Variants in CDYL observed in about 807,000 individuals in gnomAD.
The protein encoded by CDYL is chromodomain Y like.
In CDYL, 8 loss-of-function variants were observed where a neutral mutation model predicts 47.3. The ratio of observed to expected loss-of-function variants is 0.17; its 90% CI spans 0.10 to 0.31. The LOEUF (loss-of-function observed/expected upper bound fraction) is 0.31. Among genes scored for constraint, CDYL ranks in the 10% least tolerant of loss-of-function variants. The pLI is 1.00. For synonymous variants in CDYL, 266 were observed against 265.0 expected, an observed-to-expected ratio of 1.00 and a Z score of -0.04; for missense variants, 471 against 701.4, an observed-to-expected ratio of 0.67 and a Z score of 3.71.
intron 1 of CDYL, among the ~76,000 whole-genome samples, chr6:4,888,103 T>G (rs1304583999): frequency 6.6e-6 from 1 of 152,158 alleles, no homozygotes; most frequent in African/African-American, 2.4e-5. Context: ...AATGTTTTGT[T>G]GAGGATTTTT....
intron 1 of CDYL, among the ~76,000 whole-genome samples, chr6:4,823,535 A>C (rs368138103): frequency 6.6e-6 from 1 of 152,212 alleles, no homozygotes; most frequent in Admixed American, 6.5e-5. Flanking sequence ...CCCTGACGTT[A>C]ATCACAATGT....
At chr6:4,826,925 A>G (rs535772890) in intron 1 of CDYL, among the ~76,000 whole-genome samples, 1 of 152,266 alleles carries the variant, frequency 6.6e-6, no homozygotes, top group East Asian at 1.9e-4. Context: ...TCCAACTGTT[A>G]TTGTAAAGCT....
At chr6:4,940,973 C>A (rs1269903159) in intron 4 of CDYL, among the ~76,000 whole-genome samples, 1 of 152,232 alleles carries the variant, frequency 6.6e-6, no homozygotes, top group African/African-American at 2.4e-5. Context: ...CCAAACGTTC[C>A]TTTGACAGTC....
At chr6:4,897,550 G>A (rs1292125879) in intron 2 of CDYL, among the ~76,000 whole-genome samples, 1 of 152,154 alleles carries the variant, frequency 6.6e-6, no homozygotes, top group African/African-American at 2.4e-5. Flanking sequence ...CTAGGAAGAA[G>A]CCCCAGGGCT....
chr6:4,786,009 G>C (rs182838757), intron 1 of CDYL, among the ~76,000 whole-genome samples: 1 of 152,332 alleles, frequency 6.6e-6, no homozygotes, highest in Admixed American at 6.5e-5. Flanking sequence ...CTATCAAGAA[G>C]AGTTTTTAAA....
rs756344276 is a variant in CDYL at position 4,892,235 on chromosome 6, G to A, written c.547G>A (p.Ala183Thr). The change falls in exon 2 of 7, where the codon GCG becomes ACG. Residue 183 changes from alanine to threonine, a missense_variant. Physicochemically the swap from Ala to Thr is moderately conservative, Grantham distance 58 (BLOSUM62 0). This residue lies in a region of CDYL where 311 missense variants were observed against 350.0 expected (regional missense o/e 0.89). Coordinates refer to ENST00000397588, the MANE Select transcript of CDYL (RefSeq NM_004824.4). The stretch of plus-strand genomic sequence containing the variant: ...GGACACAGTGGCACCCGAAGTGGCA[G>A]CGGAAAAGCCGGTCGGAGCTTTATT... ...QEDTVAPEVA[A>T]EKPVGALLGP... The A allele has an allele frequency of 1.5e-5, 25 of 1,614,132 alleles. No individual in the cohort carries two copies. The highest frequency in any genetic ancestry group is 1.9e-5 in the Non-Finnish European group (22 of 1,180,056).
chr6:4,807,357 A>C (rs562153071), intron 1 of CDYL, among the ~76,000 whole-genome samples: 1 of 152,172 alleles, frequency 6.6e-6, no homozygotes, highest in Admixed American at 6.5e-5. Context: ...TAAAGTAACT[A>C]CTTTTCACTT....
intron 5 of CDYL, among the ~76,000 whole-genome samples, chr6:4,951,552 C>T (rs1266383615): frequency 6.6e-6 from 1 of 151,834 alleles, no homozygotes; most frequent in Non-Finnish European, 1.5e-5. Context: ...CTAATGTTAG[C>T]TTTCTCCACT....
At chr6:4,877,712 T>C (rs1215604453) in intron 1 of CDYL, among the ~76,000 whole-genome samples, 3 of 152,250 alleles carry the variant, frequency 2.0e-5, no homozygotes, top group Non-Finnish European at 4.4e-5. Context: ...GGTACTGCTT[T>C]TCCTTGAAAT....
At chr6:4,893,884 G>A (rs1171066888) in intron 2 of CDYL, among the ~76,000 whole-genome samples, 2 of 152,168 alleles carry the variant, frequency 1.3e-5, no homozygotes, top group Admixed American at 6.5e-5. Context: ...TTTTCTCCTC[G>A]GCCCAGGCCC....
In CDYL at chr6:4,789,700, C is replaced by T. The variant is rs1191756840; in HGVS notation, c.24+12893C>T. 4.6e-5 allele frequency among the ~76,000 whole-genome samples: 7 copies of T among 152,280 alleles called. No homozygotes were observed. The East Asian group carries it at 9.7e-4, about 21-fold the overall frequency. ...TGGGTTCAGCGTTGTTCCCAAATGA[C>T]TTTGCTCTGTTTCCCTAGCTCTCCT... On this transcript the variant is annotated intron_variant, in intron 1 of 6. Transcript: ENST00000397588.
intron 1 of CDYL, among the ~76,000 whole-genome samples, chr6:4,856,537 G>T (rs911169157): frequency 1.3e-5 from 2 of 152,214 alleles, no homozygotes; most frequent in African/African-American, 2.4e-5. Flanking sequence ...GGGTGGCAGG[G>T]TAGAAGCAGG....
chr6:4,910,168 T>TA (rs1382861676), intron 2 of CDYL, among the ~76,000 whole-genome samples: 1 of 152,276 alleles, frequency 6.6e-6, no homozygotes, highest in East Asian at 1.9e-4. Flanking sequence ...GTTGCATGCT[T>TA]AATGTGTTGG....
intron 1 of CDYL, among the ~76,000 whole-genome samples, chr6:4,706,471 A>G (rs956459670): frequency 6.6e-6 from 1 of 151,758 alleles, no homozygotes; most frequent in African/African-American, 2.4e-5. Flanking sequence ...TTGCCACATC[A>G]GATTTTATAG....
At chr6:4,903,570 G>A (rs528798373) in intron 2 of CDYL, among the ~76,000 whole-genome samples, 22 of 152,164 alleles carry the variant, frequency 1.4e-4, no homozygotes, top group Admixed American at 3.3e-4. Context: ...CGATGCACAC[G>A]GTGGCTTGCC....
At chr6:4,952,131 C>T in intron 5 of CDYL, 135 bp from the exon 6 acceptor site, 2 of 968,952 alleles carry the variant, frequency 2.1e-6, no homozygotes, top group African/African-American at 1.6e-5. Flanking sequence ...CCCAGCGGCC[C>T]CTAGAGGATG....
At chr6:4,723,165 A>G (rs1387903607) in intron 2 of CDYL, among the ~76,000 whole-genome samples, 1 of 152,242 alleles carries the variant, frequency 6.6e-6, no homozygotes, top group Non-Finnish European at 1.5e-5. Context: ...ACAAATTTAA[A>G]ACCCATGTAG....
chr6:4,912,703 A>G (rs1757447842), intron 2 of CDYL, among the ~76,000 whole-genome samples: 1 of 152,218 alleles, frequency 6.6e-6, no homozygotes, highest in Non-Finnish European at 1.5e-5. Context: ...GGAGTCCAGG[A>G]TCAAGGGGCC....
At chr6:4,810,036 G>A (rs568729843) in intron 1 of CDYL, among the ~76,000 whole-genome samples, 17 of 151,900 alleles carry the variant, frequency 1.1e-4, no homozygotes, top group African/African-American at 2.4e-4. Context: ...TATTTTGTAT[G>A]GTAGGGGTAT....
Sources: gnomAD v4.1 joint callset for allele counts (sites outside exome capture counted in the v4.1 genomes callset) on GRCh38, gnomAD v4.1.1 for gene constraint, gnomAD v4.1.1 regional missense constraint, MANE v1.5 for transcripts, NCBI Gene and HGNC (gene_info 2026-07-23, HGNC 2026-07-21) for gene names.